Variants in ZSCAN32 observed in about 807,000 individuals in gnomAD.
ZSCAN32 encodes zinc finger and SCAN domain containing 32.
A neutral mutation model predicts 47.4 loss-of-function variants in ZSCAN32; 52 were observed. The ratio of observed to expected loss-of-function variants is 1.10; its 90% CI spans 0.88 to 1.38. The LOEUF (loss-of-function observed/expected upper bound fraction) is 1.38, where lower values mean the gene tolerates loss of function less well. ZSCAN32 is among the 40% of genes most tolerant of loss of function. ZSCAN32 has a pLI of 0.00. For synonymous variants in ZSCAN32, 346 were observed against 305.7 expected (o/e 1.13, Z -1.38); for missense variants, 959 against 846.0 (o/e 1.13, Z -1.66).
In ZSCAN32 at chr16:3,393,659, T is replaced by C. The variant is rs1350584153; in HGVS notation, c.522A>G (p.Glu174=). Reference sequence around the variant, plus strand: ...GAGGCTTCTGCTTACCTTCTGACTGTTCCCCTGGTCTTTGGTGTGAGCTCT... The same window carrying C: ...GAGGCTTCTGCTTACCTTCTGACTGCTCCCCTGGTCTTTGGTGTGAGCTCT... ...GSQSSHQRPG[E]QSEAWLAPQA... The change falls in exon 3 of 7, where the codon GAA becomes GAG. Residue 174 remains glutamate, a synonymous_variant. Coordinates refer to ENST00000396852, the MANE Select transcript of ZSCAN32 (RefSeq NM_001284527.2). 3 of 1,547,182 alleles carry C rather than the reference T, an allele frequency of 1.9e-6. No individual in the cohort carries two copies.
intron 5 of ZSCAN32, among the ~76,000 whole-genome samples, chr16:3,386,175 A>C (rs1362162371): frequency 1.3e-5 from 2 of 151,822 alleles, no homozygotes; most frequent in African/African-American, 4.8e-5. Context: ...ATGCAGCCAA[A>C]AGACACATGA....
intron 5 of ZSCAN32, among the ~76,000 whole-genome samples, chr16:3,386,355 A>C (rs903079121): frequency 6.6e-6 from 1 of 152,226 alleles, no homozygotes. Context: ...ACTGTAAACT[A>C]GTTCAACCAT....
chr16:3,386,414 C>T lies in ZSCAN32; in HGVS notation c.752-1473G>A, dbSNP rs138112659. On this transcript the variant is annotated intron_variant, in intron 5 of 6. Coordinates refer to ENST00000396852, the MANE Select transcript of ZSCAN32 (RefSeq NM_001284527.2). Reference sequence around the variant, plus strand: ...CTCAGGGATCTAGAACCAGAAATACCATTTGACCCAGCAATCCCATTACTA... The same window carrying T: ...CTCAGGGATCTAGAACCAGAAATACTATTTGACCCAGCAATCCCATTACTA... 5.7e-3 allele frequency among the ~76,000 whole-genome samples: 866 copies of T among 152,198 alleles called. 3 individuals carry two copies. The highest frequency in any genetic ancestry group is 8.0e-3 in the Non-Finnish European group (546 of 67,994).
At chr16:3,390,867 G>A (rs1458579096) in intron 3 of ZSCAN32, among the ~76,000 whole-genome samples, 1 of 151,866 alleles carries the variant, frequency 6.6e-6, no homozygotes, top group Admixed American at 6.6e-5. Flanking sequence ...ATACATGTCA[G>A]GGAAAAAAAG....
Position 3,390,101 on chromosome 16 carries a change from G to A in ZSCAN32, c.660C>T (p.Ser220=). ...GGCACATCCATTCTTGCTGACAGAG[G>A]GATACAGCTCTGTTGTCACGCATGG... The part of the protein sequence containing the change: ...GPAMRDNRAV[S]LCQQEWMCPG... The change falls in exon 5 of 7, where the codon TCC becomes TCT. Residue 220 remains serine, a synonymous_variant. Transcript: ENST00000396852. 6.2e-7 allele frequency: 1 copy of A among 1,613,692 alleles called. No individual in the cohort carries two copies. The highest frequency in any genetic ancestry group is 8.5e-7 in the Non-Finnish European group (1 of 1,179,816).
At chr16:3,387,878 C>T (rs1408653914) in intron 5 of ZSCAN32, among the ~76,000 whole-genome samples, 3 of 152,128 alleles carry the variant, frequency 2.0e-5, no homozygotes, top group African/African-American at 7.2e-5. Flanking sequence ...AAAAGAGACA[C>T]AAATAAATGT....
rs751114206 is a variant in ZSCAN32 at position 3,383,245 on chromosome 16, G to C, written c.1701C>G (p.His567Gln). The change falls in exon 7 of 7, where the codon CAC (histidine) becomes CAG (glutamine). Residue 567 changes from histidine to glutamine, a missense_variant. Coordinates refer to ENST00000396852, the MANE Select transcript of ZSCAN32 (RefSeq NM_001284527.2). Reference sequence around the variant, plus strand: ...GCCTCTCCCCTGTGTGAGTTCGTAGGTGGGCAGTGAGGTTGGAGCGCTCAC... The same window carrying C: ...GCCTCTCCCCTGTGTGAGTTCGTAGCTGGGCAGTGAGGTTGGAGCGCTCAC... The part of the protein sequence containing the change: ...GFSERSNLTA[H>Q]LRTHTGERPY... The C allele has an allele frequency of 3.7e-6, 6 of 1,613,978 alleles. No individual in the cohort carries two copies. The Admixed American group carries it at 1.0e-4, about 27-fold the overall frequency.
intron 5 of ZSCAN32, among the ~76,000 whole-genome samples, chr16:3,385,604 C>A (rs2031879959): frequency 6.6e-6 from 1 of 152,070 alleles, no homozygotes; most frequent in African/African-American, 2.4e-5. Context: ...AGAAATAGAC[C>A]AATGGAACAG....
intron 5 of ZSCAN32, among the ~76,000 whole-genome samples, chr16:3,388,038 C>T (rs1023488145): frequency 4.6e-5 from 7 of 152,222 alleles, no homozygotes; most frequent in African/African-American, 1.7e-4. Context: ...CATATTAGTA[C>T]TTCTCAAATT....
intron 2 of ZSCAN32, among the ~76,000 whole-genome samples, chr16:3,394,592 G>C (rs1567323052): frequency 1.3e-5 from 2 of 152,150 alleles, no homozygotes; most frequent in Non-Finnish European, 2.9e-5. Flanking sequence ...ATGGAACCCA[G>C]TGTGATCTTT....
chr16:3,400,112 A>G (rs2150915910), intron 1 of ZSCAN32, among the ~76,000 whole-genome samples: 1 of 152,304 alleles, frequency 6.6e-6, no homozygotes, highest in African/African-American at 2.4e-5. Flanking sequence ...GTTTTTTAAA[A>G]ATTAAAGAAA....
chr16:3,384,425 C>T lies in ZSCAN32; in HGVS notation c.1234+34G>A, dbSNP rs1596443933. On this transcript the variant is annotated intron_variant, in intron 6 of 6. Transcript: ENST00000396852. Reference sequence around the variant, plus strand: ...TAATGGCCTCTAAAGTGGACTTTGCCATCCTTTGACCATCAGAGCCAAGGG... The same window carrying T: ...TAATGGCCTCTAAAGTGGACTTTGCTATCCTTTGACCATCAGAGCCAAGGG... 3 of 1,612,242 alleles carry T rather than the reference C, an allele frequency of 1.9e-6. No individual in the cohort carries two copies. In the East Asian group the frequency reaches 6.7e-5, roughly 36 times the overall value.
In ZSCAN32 at chr16:3,384,699, A is replaced by G. The variant is rs27230; in HGVS notation, c.994T>C (p.Tyr332His). 0.17 allele frequency: 272,418 copies of G among 1,614,068 alleles called. 25,565 individuals are homozygous for G. The highest frequency in any genetic ancestry group is 0.2 in the Non-Finnish European group (231,734 of 1,179,992). The change falls in exon 6 of 7, where the codon TAT becomes CAT. Residue 332 changes from tyrosine to histidine, a missense_variant. Physicochemically the swap from Tyr to His is moderately conservative, Grantham distance 83 (BLOSUM62 2). Transcript: ENST00000396852. ...CCTGAAAGAGCATTCATTTCCTCAT[A>G]AAAGATACAAGGCTCAGGCACACGG... ...RGRVPEPCIFYEEMNALSGSW... is the reference protein window; with the variant it reads ...RGRVPEPCIFHEEMNALSGSW...
Position 3,382,900 on chromosome 16 carries a change from T to C in ZSCAN32, c.2046A>G (p.Val682=). ...KNSALTRHQT[V]HMKAVLSSQE... ...GTGATGAGAGTACTGCTTTCATGTG[T>C]ACTGTCTGATGACGGGTGAGGGCAG... Residue 682 remains valine, a synonymous_variant, in exon 7 of 7, where the codon GTA becomes GTG. Coordinates refer to ENST00000396852, the MANE Select transcript of ZSCAN32 (RefSeq NM_001284527.2). 6.2e-7 allele frequency: 1 copy of C among 1,604,140 alleles called. No homozygotes were observed. The highest frequency in any genetic ancestry group is 2.2e-5 in the East Asian group (1 of 44,730).
At chr16:3,398,106 A>T (rs903004706) in intron 1 of ZSCAN32, among the ~76,000 whole-genome samples, 1 of 152,220 alleles carries the variant, frequency 6.6e-6, no homozygotes, top group African/African-American at 2.4e-5. Context: ...ATTAAAGACA[A>T]CTAGGTTAGG....
At chr16:3,398,848 G>A (rs1283426294) in intron 1 of ZSCAN32, among the ~76,000 whole-genome samples, 3 of 152,140 alleles carry the variant, frequency 2.0e-5, no homozygotes, top group Non-Finnish European at 4.4e-5. Flanking sequence ...GTGGATAAGT[G>A]ACTGTTCGGG....
intron 3 of ZSCAN32, among the ~76,000 whole-genome samples, chr16:3,392,225 G>T (rs140085117): frequency 3.9e-5 from 6 of 152,280 alleles, no homozygotes; most frequent in African/African-American, 1.2e-4. Flanking sequence ...CTGTTTAATG[G>T]GTACAGGGTT....
rs1000142330 is a variant in ZSCAN32 at position 3,390,418 on chromosome 16, C to T, written c.627+5G>A. 6.5e-7 allele frequency: 1 copy of T among 1,547,728 alleles called. No homozygotes were observed. Among genetic ancestry groups the T allele is most frequent in the African/African-American group, 1.4e-5 (1 of 72,896 alleles). ...AAGAGACAGAAGGCATCAACCACAG[C>T]TCACCTGGGACCCAGCTGTCCAGAC... On this transcript the variant is annotated splice_donor_5th_base_variant and intron_variant, in intron 4 of 6. Coordinates refer to ENST00000396852, the MANE Select transcript of ZSCAN32 (RefSeq NM_001284527.2).
chr16:3,398,933 TC>T (rs1319893459), intron 1 of ZSCAN32, among the ~76,000 whole-genome samples: 1 of 152,070 alleles, frequency 6.6e-6, no homozygotes, highest in Non-Finnish European at 1.5e-5. Flanking sequence ...TGTGAAAAAG[TC>T]CCCCTCGACC....
Sources: allele counts gnomAD v4.1 joint callset (sites outside exome capture counted in the v4.1 genomes callset), GRCh38; gene constraint gnomAD v4.1.1; transcripts MANE v1.5; gene names NCBI Gene and HGNC (gene_info 2026-07-23, HGNC 2026-07-21).